PPIH: variants seen among roughly 807,000 people sequenced by gnomAD.
The protein encoded by PPIH is peptidylprolyl isomerase H, also known as peptidyl-prolyl cis-trans isomerase H.
Under a neutral mutation model 27.6 loss-of-function variants are expected in PPIH, and 16 were observed. That is an observed-to-expected ratio of 0.58 (90% confidence interval 0.39 to 0.88). The LOEUF (loss-of-function observed/expected upper bound fraction) is 0.88, where lower values mean the gene tolerates loss of function less well. PPIH is among the 40% of genes least tolerant of loss of function. The pLI, the probability that PPIH is intolerant of heterozygous loss-of-function variation, is 0.00. For synonymous variants in PPIH, 63 were observed against 76.1 expected, an observed-to-expected ratio of 0.83 and a Z score of 0.90; for missense variants, 155 against 224.1, an observed-to-expected ratio of 0.69 and a Z score of 1.97.
chr1:42,670,945 G>A (rs1465066221), intron 9 of PPIH, among the ~76,000 whole-genome samples: 3 of 152,026 alleles, frequency 2.0e-5, no homozygotes, highest in African/African-American at 4.8e-5. Flanking sequence ...ACAGGCGCAC[G>A]CTGCCATGCC....
intron 9 of PPIH, among the ~76,000 whole-genome samples, chr1:42,672,412 C>G (rs1194661843): frequency 6.6e-6 from 1 of 151,966 alleles, no homozygotes; most frequent in African/African-American, 2.4e-5. Context: ...GAAGTACTCT[C>G]TTGGTGGCAC....
intron 5 of PPIH, among the ~76,000 whole-genome samples, chr1:42,661,843 A>G (rs1263589004): frequency 4.0e-5 from 6 of 150,388 alleles, no homozygotes; most frequent in Non-Finnish European, 7.4e-5. Context: ...GGCACAAAAA[A>G]ATCCTAGTTT....
At position 42,659,517 on chromosome 1, in the gene PPIH, T is replaced by C. The variant is rs1240950292; in HGVS notation, c.156-5T>C. On this transcript the variant is annotated splice_polypyrimidine_tract_variant and splice_region_variant and intron_variant, in intron 3 of 9. Coordinates refer to ENST00000304979, the MANE Select transcript of PPIH (RefSeq NM_006347.4). ...CACTCCAAGTCTCTTTCTTTTCGGT[T>C]ATAGGAAAGATGGGGTTCCAATAGG... is the stretch of plus-strand genomic sequence containing the variant. 9 of 1,614,108 alleles carry C rather than the reference T, an allele frequency of 5.6e-6. No individual in the cohort carries two copies. The highest frequency in any genetic ancestry group is 6.8e-6 in the Non-Finnish European group (8 of 1,180,056).
At chr1:42,680,944 T>C (rs1460544326), downstream of PPIH, among the ~76,000 whole-genome samples, 1 of 152,056 alleles carries the variant, frequency 6.6e-6, no homozygotes, top group African/African-American at 2.4e-5. Flanking sequence ...GTAGTGACAG[T>C]AGGAATGAAA....
intron 4 of PPIH, 103 bp downstream of exon 4, chr1:42,659,669 T>C (rs1648894937): frequency 6.7e-7 from 1 of 1,490,544 alleles, no homozygotes; most frequent in Middle Eastern, 2.5e-4. Context: ...TTACATTTCT[T>C]GAGAAGAAAT....
At chr1:42,679,315 G>A (rs943236718), downstream of PPIH, among the ~76,000 whole-genome samples, 1 of 152,162 alleles carries the variant, frequency 6.6e-6, no homozygotes, top group Non-Finnish European at 1.5e-5. Flanking sequence ...TCAAACTCCC[G>A]AGTAGCTGGG....
At chr1:42,672,733 G>A (rs561047549) in intron 9 of PPIH, among the ~76,000 whole-genome samples, 2 of 150,682 alleles carry the variant, frequency 1.3e-5, no homozygotes, top group South Asian at 2.1e-4. Flanking sequence ...TGCAACCTCC[G>A]CCTCCCAGGT....
downstream of PPIH, chr1:42,681,142 T>A (rs1027634416): frequency 6.6e-6 from 1 of 152,218 alleles, no homozygotes; most frequent in Non-Finnish European, 1.5e-5. Flanking sequence ...TTTAAAAAGA[T>A]GCCCCTCCCT....
At chr1:42,681,341 C>CTTCT (rs1404282976), downstream of PPIH, 1 of 152,234 alleles carries the variant, frequency 6.6e-6, no homozygotes, top group Non-Finnish European at 1.5e-5. Context: ...AGCCCTCCAC[C>CTTCT]TTCTCCCTGC....
At chr1:42,659,467 G>A in intron 3 of PPIH, 55 bp from the exon 4 acceptor site, 2 of 1,614,120 alleles carry the variant, frequency 1.2e-6, no homozygotes, top group South Asian at 1.1e-5. Flanking sequence ...ATGGTAAACT[G>A]GAAAGGCCTT....
At position 42,665,921 on chromosome 1, in the gene PPIH, T is replaced by C. The variant is rs991665779; in HGVS notation, c.337-59T>C. 1.9e-5 allele frequency: 26 copies of C among 1,402,678 alleles called. No homozygotes were observed. In the African/African-American group the frequency reaches 3.0e-4, roughly 16 times the overall value. The allele number at this position is 1,402,678 out of a possible 1,614,324, so 86.9% of individuals were successfully genotyped here. On this transcript the variant is annotated intron_variant, in intron 6 of 9. Transcript: ENST00000304979. ...AGTGTTACAAGCTCTTTTGGAAATC[T>C]TGCCCTTCAGCTAACATGGCCGGGG...
intron 9 of PPIH, among the ~76,000 whole-genome samples, chr1:42,670,282 T>C (rs1002490100): frequency 1.3e-5 from 2 of 152,208 alleles, no homozygotes; most frequent in Non-Finnish European, 2.9e-5. Context: ...CAATGGCTGC[T>C]GGCCATTCCC....
intron 4 of PPIH, among the ~76,000 whole-genome samples, chr1:42,660,334 C>T (rs1263522140): frequency 6.6e-6 from 1 of 152,220 alleles, no homozygotes; most frequent in African/African-American, 2.4e-5. Flanking sequence ...TTGATCAACT[C>T]TAACATGCCC....
chr1:42,667,208 A>G, intron 8 of PPIH, 143 bp from the exon 9 acceptor site: 1 of 665,438 alleles, frequency 1.5e-6, no homozygotes, highest in South Asian at 1.9e-5. Flanking sequence ...GATAGGTATT[A>G]TATGCTTTAC....
chr1:42,677,530 T>C (rs1203135868), downstream of PPIH, among the ~76,000 whole-genome samples: 2 of 152,146 alleles, frequency 1.3e-5, no homozygotes, highest in South Asian at 2.1e-4. Context: ...CTCACTTAGC[T>C]GGGTGCTGTA....
chr1:42,671,541 T>C (rs542574335), intron 9 of PPIH, among the ~76,000 whole-genome samples: 1 of 152,354 alleles, frequency 6.6e-6, no homozygotes, highest in Admixed American at 6.5e-5. Context: ...CTACTCGCCC[T>C]GGCTTGCTTA....
At chr1:42,677,076 A>G (rs1557523544), downstream of PPIH, among the ~76,000 whole-genome samples, 1 of 152,362 alleles carries the variant, frequency 6.6e-6, no homozygotes, top group Non-Finnish European at 1.5e-5. Context: ...GGAAAGGGTC[A>G]CTAACTTGAC....
chr1:42,665,017 G>A (rs753834758), intron 6 of PPIH, 62 bp downstream of exon 6: 14 of 1,367,640 alleles, frequency 1.0e-5, no homozygotes, highest in Non-Finnish European at 1.5e-5. Context: ...CCCTCTTGAG[G>A]CCCAGTGCTG....
chr1:42,679,378 T>A (rs1649968939), downstream of PPIH, among the ~76,000 whole-genome samples: 3 of 152,064 alleles, frequency 2.0e-5, no homozygotes, highest in African/African-American at 7.2e-5. Context: ...TTAGTAGAGA[T>A]GGGGTTTTGC....
Sources: gnomAD v4.1 joint callset for allele counts (sites outside exome capture counted in the v4.1 genomes callset) on GRCh38, gnomAD v4.1.1 for gene constraint, MANE v1.5 for transcripts, NCBI Gene and HGNC (gene_info 2026-07-23, HGNC 2026-07-21) for gene names.